Variants in STPG2 observed in about 807,000 individuals in gnomAD.
STPG2 encodes the protein sperm tail PG-rich repeat containing 2.
A neutral mutation model predicts 54.2 loss-of-function variants in STPG2; 56 were observed. The observed-to-expected ratio is 1.03, with a 90% CI of 0.83 to 1.29. STPG2 has a LOEUF of 1.29. STPG2 is among the 50% of genes most tolerant of loss of function. STPG2 has a pLI of 0.00. For synonymous variants in STPG2, 200 were observed against 181.8 expected, an observed-to-expected ratio of 1.10 and a Z score of -0.81; for missense variants, 596 against 544.9, an observed-to-expected ratio of 1.09 and a Z score of -0.93.
At chr4:97,942,768 C>G (rs1054602435) in intron 8 of STPG2, among the ~76,000 whole-genome samples, 1 of 152,112 alleles carries the variant, frequency 6.6e-6, no homozygotes, top group Non-Finnish European at 1.5e-5. Context: ...CATTATCTCA[C>G]GTAGCAGAAT....
intron 10 of STPG2, among the ~76,000 whole-genome samples, chr4:97,690,196 G>A (rs554139525): frequency 1.3e-5 from 2 of 151,982 alleles, no homozygotes; most frequent in African/African-American, 2.4e-5. Flanking sequence ...CAGTAAATTA[G>A]AGTAATTGAT....
chr4:97,766,715 A>T (rs1726065297), intron 9 of STPG2, among the ~76,000 whole-genome samples: 1 of 152,044 alleles, frequency 6.6e-6, no homozygotes, highest in South Asian at 2.1e-4. Flanking sequence ...GAGAAAAATA[A>T]CTCTTTAGTA....
At chr4:97,683,947 C>T (rs1723111504) in intron 10 of STPG2, among the ~76,000 whole-genome samples, 3 of 151,752 alleles carry the variant, frequency 2.0e-5, no homozygotes, top group Non-Finnish European at 4.4e-5. Flanking sequence ...AAGTCAGTTG[C>T]TTTCCTATAT....
rs960387868 is a variant in STPG2, at chr4:98,053,065, A to G, written c.612+52888T>C. 2.6e-5 allele frequency among the ~76,000 whole-genome samples: 4 copies of G among 152,208 alleles called. No homozygotes were observed. In the East Asian group the frequency reaches 7.7e-4, roughly 29 times the overall value. ...GAAACATTAGAAAACAGTAGTTCTC[A>G]ATGGCTGGCTAGTTGGTTAGTTTTC... On this transcript the variant is annotated intron_variant, in intron 5 of 10. Coordinates refer to ENST00000295268, the MANE Select transcript of STPG2 (RefSeq NM_174952.3).
intron 5 of STPG2, among the ~76,000 whole-genome samples, chr4:98,039,737 CTT>C (rs33936177): frequency 0.39 from 59,485 of 150,990 alleles, 11,935 homozygotes; most frequent in Middle Eastern, 0.46. Flanking sequence ...CTGATGGACA[CTT>C]AGGTTGATTC....
chr4:97,988,988 A>G (rs1334812584), intron 5 of STPG2, among the ~76,000 whole-genome samples: 1 of 152,242 alleles, frequency 6.6e-6, no homozygotes, highest in Non-Finnish European at 1.5e-5. Context: ...AAAAAAAATT[A>G]GGAGAAACTA....
At chr4:97,774,801 A>G (rs1470581953) in intron 9 of STPG2, among the ~76,000 whole-genome samples, 1 of 152,150 alleles carries the variant, frequency 6.6e-6, no homozygotes, top group Non-Finnish European at 1.5e-5. Flanking sequence ...TTCCCACAAT[A>G]CACAGTACTT....
chr4:97,636,380 G>C (rs2148939431), intron 10 of STPG2, among the ~76,000 whole-genome samples: 1 of 138,584 alleles, frequency 7.2e-6, no homozygotes, highest in South Asian at 2.7e-4. Context: ...ATGCCCACAA[G>C]AGAAAGCAGG....
chr4:97,670,412 A>G (rs569864945), intron 10 of STPG2, among the ~76,000 whole-genome samples: 50 of 152,184 alleles, frequency 3.3e-4, no homozygotes, highest in Non-Finnish European at 6.2e-4. Context: ...ACATTCAGTT[A>G]TTTTTCTCAA....
intron 9 of STPG2, among the ~76,000 whole-genome samples, chr4:97,745,362 T>A (rs1429541853): frequency 6.6e-6 from 1 of 151,136 alleles, no homozygotes; most frequent in East Asian, 1.9e-4. Flanking sequence ...TTTATTCCAT[T>A]TTAAATCAAT....
chr4:98,016,637 A>C (rs1735954971), intron 5 of STPG2, among the ~76,000 whole-genome samples: 1 of 151,670 alleles, frequency 6.6e-6, no homozygotes, highest in Admixed American at 6.6e-5. Flanking sequence ...CTTCTTGTTG[A>C]ACTTCTCATT....
chr4:97,781,111 A>G (rs1439655701), intron 9 of STPG2, among the ~76,000 whole-genome samples: 1 of 152,018 alleles, frequency 6.6e-6, no homozygotes, highest in Admixed American at 6.6e-5. Context: ...TAGAGACACA[A>G]AAAAACCCTT....
intron 5 of STPG2, among the ~76,000 whole-genome samples, chr4:98,002,323 G>T (rs1431636420): frequency 6.6e-6 from 1 of 152,016 alleles, no homozygotes; most frequent in Non-Finnish European, 1.5e-5. Flanking sequence ...AGCGTAAAAA[G>T]ACTGATTTTG....
intron 8 of STPG2, among the ~76,000 whole-genome samples, chr4:97,878,063 A>G (rs1000499044): frequency 3.3e-4 from 51 of 152,308 alleles, no homozygotes; most frequent in African/African-American, 1.2e-3. Context: ...TAAAGCTCCA[A>G]AATGATCTCC....
At chr4:97,928,781 C>T (rs1209168509) in intron 8 of STPG2, among the ~76,000 whole-genome samples, 1 of 152,138 alleles carries the variant, frequency 6.6e-6, no homozygotes, top group African/African-American at 2.4e-5. Flanking sequence ...ATCTCCCAAT[C>T]TCTTTATTAT....
At chr4:97,585,269 A>G (rs932081093) in intron 10 of STPG2, among the ~76,000 whole-genome samples, 1 of 152,008 alleles carries the variant, frequency 6.6e-6, no homozygotes, top group East Asian at 1.9e-4. Context: ...AAAAACAAAA[A>G]TCATAAATGC....
At chr4:97,824,816 C>T (rs1254527784) in intron 9 of STPG2, among the ~76,000 whole-genome samples, 4 of 152,094 alleles carry the variant, frequency 2.6e-5, no homozygotes, top group Non-Finnish European at 5.9e-5. Flanking sequence ...TGCCATTTTA[C>T]GGGGGCAGCC....
At chr4:97,674,235 C>T (rs964631652) in intron 10 of STPG2, among the ~76,000 whole-genome samples, 1 of 151,912 alleles carries the variant, frequency 6.6e-6, no homozygotes, top group Non-Finnish European at 1.5e-5. Flanking sequence ...AGGTCTTTCA[C>T]GTAACAGAGG....
chr4:97,773,943 G>A (rs558440549), intron 9 of STPG2, among the ~76,000 whole-genome samples: 1 of 151,742 alleles, frequency 6.6e-6, no homozygotes, highest in African/African-American at 2.4e-5. Context: ...GGAGCCCAGG[G>A]CTTCAAGTCC....
Sources: allele counts gnomAD v4.1 joint callset (sites outside exome capture counted in the v4.1 genomes callset), GRCh38; gene constraint gnomAD v4.1.1; transcripts MANE v1.5; gene names NCBI Gene and HGNC (gene_info 2026-07-23, HGNC 2026-07-21).